The following EXOC4 variants were observed in gnomAD, a reference collection of about 807,000 sequenced individuals.
The protein encoded by EXOC4 is exocyst complex component 4.
Under a neutral mutation model 107.2 loss-of-function variants are expected in EXOC4, and 71 were observed. That is an observed-to-expected ratio of 0.66 (90% CI 0.55 to 0.81). The LOEUF (loss-of-function observed/expected upper bound fraction) is 0.81, where lower values mean the gene tolerates loss of function less well. Among genes scored for constraint, EXOC4 ranks in the 30% least tolerant of loss-of-function variants. The probability of loss-of-function intolerance (pLI) is 0.00; values close to 1 mark genes in which losing one functional copy is unlikely to be tolerated. For missense variants in EXOC4, 1,108 were observed against 1,189.6 expected, an observed-to-expected ratio of 0.93 and a Z score of 1.01; for synonymous variants, 456 against 441.2, an observed-to-expected ratio of 1.03 and a Z score of -0.42.
intron 9 of EXOC4, among the ~76,000 whole-genome samples, chr7:133,500,067 G>T (rs1422732271): frequency 6.6e-6 from 1 of 151,984 alleles, no homozygotes; most frequent in East Asian, 1.9e-4. Context: ...AAAGGACAAA[G>T]ATGTTACATA....
At chr7:133,865,400 G>A (rs1385528305) in intron 11 of EXOC4, among the ~76,000 whole-genome samples, 1 of 152,156 alleles carries the variant, frequency 6.6e-6, no homozygotes, top group African/African-American at 2.4e-5. Context: ...TTAAATCATG[G>A]TAATATTCTG....
chr7:133,947,626 G>C (rs948931377), intron 14 of EXOC4, among the ~76,000 whole-genome samples: 14 of 152,160 alleles, frequency 9.2e-5, no homozygotes, highest in Non-Finnish European at 1.5e-4. Context: ...TCATTGTCCT[G>C]TGCTGATTAG....
chr7:133,983,094 A>G (rs1794032904), intron 14 of EXOC4, among the ~76,000 whole-genome samples: 1 of 151,796 alleles, frequency 6.6e-6, no homozygotes, highest in South Asian at 2.1e-4. Flanking sequence ...CAGTCATAGC[A>G]GAAGGAAAAG....
chr7:134,010,173 C>T (rs990332214), intron 17 of EXOC4: 5 of 152,136 alleles, frequency 3.3e-5, no homozygotes, highest in Non-Finnish European at 7.3e-5. Flanking sequence ...CTCCAAGAGG[C>T]CGAGACTCTT....
At chr7:134,035,046 C>CTTTTTTTTTT (rs146401762) in intron 17 of EXOC4, among the ~76,000 whole-genome samples, 1 of 128,848 alleles carries the variant, frequency 7.8e-6, no homozygotes. Flanking sequence ...CTTTTCTTTA[C>CTTTTTTTTTT]TTTTTTTTTT....
chr7:133,961,779 T>A (rs1800950656), intron 14 of EXOC4, among the ~76,000 whole-genome samples: 1 of 152,206 alleles, frequency 6.6e-6, no homozygotes, highest in South Asian at 2.1e-4. Flanking sequence ...ACTAAGTAAC[T>A]GGCACAGGCA....
At position 133,274,990 on chromosome 7, in the gene EXOC4, C is replaced by T. The variant is rs749428746; in HGVS notation, c.95C>T (p.Ser32Phe). 2 of 1,607,396 alleles carry T rather than the reference C, an allele frequency of 1.2e-6. No homozygotes were observed. The highest frequency in any genetic ancestry group is 1.1e-5 in the South Asian group (1 of 89,842). ...GLLISVIRTL[S>F]TSDDVEDREN... ...CTCTCTGCCTTCACCAGGACTCTGT[C>T]TACTAGTGACGATGTCGAAGACAGG... The change falls in exon 2 of 18, where the codon TCT becomes TTT. Residue 32 changes from serine (S) to phenylalanine (F), a missense_variant. Coordinates refer to ENST00000253861, the MANE Select transcript of EXOC4 (RefSeq NM_021807.4).
intron 9 of EXOC4, among the ~76,000 whole-genome samples, chr7:133,584,123 T>G (rs915726099): frequency 1.7e-4 from 26 of 152,124 alleles, no homozygotes; most frequent in African/African-American, 6.0e-4. Context: ...TTGAACTTGT[T>G]GAATTTGGGA....
At chr7:133,647,923 G>A (rs1316636354) in intron 10 of EXOC4, among the ~76,000 whole-genome samples, 2 of 152,126 alleles carry the variant, frequency 1.3e-5, no homozygotes, top group Non-Finnish European at 2.9e-5. Context: ...TCCCAGGCCA[G>A]GTCAAGATGA....
rs188564633 is a variant in EXOC4, at chr7:134,048,253, A to G, written c.2688-16038A>G. Among the ~76,000 whole-genome samples the G allele has an allele frequency of 2.4e-4, 36 of 152,344 alleles. No homozygotes were observed. The Middle Eastern group carries it at 0.014, about 58-fold the overall frequency. On this transcript the variant is annotated intron_variant, in intron 17 of 17. Transcript: ENST00000253861. ...AATTTGGGGAGGTTCAGAATTTTAC[A>G]GCCTCCAGCTGCATGACTCCTAAGC...
intron 11 of EXOC4, among the ~76,000 whole-genome samples, chr7:133,824,805 T>C (rs1309885729): frequency 2.0e-5 from 3 of 152,132 alleles, no homozygotes; most frequent in African/African-American, 7.2e-5. Context: ...GTGTGTCTCC[T>C]ATGTTTTCTT....
chr7:133,880,002 C>T (rs2116441710), intron 11 of EXOC4, among the ~76,000 whole-genome samples: 1 of 152,254 alleles, frequency 6.6e-6, no homozygotes, highest in Admixed American at 6.5e-5. Flanking sequence ...ACACTTGTCT[C>T]CTAACTGCTA....
At chr7:133,285,302 T>A (rs1794249975) in intron 2 of EXOC4, among the ~76,000 whole-genome samples, 1 of 152,212 alleles carries the variant, frequency 6.6e-6, no homozygotes, top group South Asian at 2.1e-4. Context: ...CTGGATCCCT[T>A]GTTTCTTCTC....
chr7:133,780,787 C>T (rs1424335640), intron 10 of EXOC4, among the ~76,000 whole-genome samples: 1 of 152,160 alleles, frequency 6.6e-6, no homozygotes, highest in Non-Finnish European at 1.5e-5. Flanking sequence ...CAGCTGTGCT[C>T]CCCAAAGCGG....
intron 9 of EXOC4, among the ~76,000 whole-genome samples, chr7:133,504,362 G>T (rs1480726130): frequency 2.0e-5 from 3 of 152,024 alleles, no homozygotes; most frequent in African/African-American, 7.2e-5. Flanking sequence ...ATTCTAGGTT[G>T]GTTTGTTTGT....
chr7:133,735,689 C>T (rs1009888652), intron 10 of EXOC4, among the ~76,000 whole-genome samples: 2 of 151,934 alleles, frequency 1.3e-5, no homozygotes, highest in Non-Finnish European at 2.9e-5. Flanking sequence ...CTATATCAAG[C>T]GAAGCTCCCC....
At chr7:134,033,256 A>G (rs1795308281) in intron 17 of EXOC4, among the ~76,000 whole-genome samples, 1 of 152,240 alleles carries the variant, frequency 6.6e-6, no homozygotes, top group South Asian at 2.1e-4. Context: ...ATAAAAATAT[A>G]TATCCTACAG....
At chr7:133,880,674 T>C (rs1798946700) in intron 11 of EXOC4, among the ~76,000 whole-genome samples, 1 of 152,082 alleles carries the variant, frequency 6.6e-6, no homozygotes, top group South Asian at 2.1e-4. Context: ...CCTGCTGTTA[T>C]GTTTTGTTTT....
chr7:133,310,076 C>G (rs1426150897), intron 4 of EXOC4, among the ~76,000 whole-genome samples: 1 of 152,272 alleles, frequency 6.6e-6, no homozygotes, highest in East Asian at 1.9e-4. Flanking sequence ...TGAATTCTTG[C>G]TTAAGATGAG....
Sources: allele counts gnomAD v4.1 joint callset (sites outside exome capture counted in the v4.1 genomes callset), GRCh38; gene constraint gnomAD v4.1.1; transcripts MANE v1.5; gene names NCBI Gene and HGNC (gene_info 2026-07-23, HGNC 2026-07-21).